Variants in TAF1B observed in about 807,000 individuals in gnomAD.
The protein encoded by TAF1B is TATA-box binding protein associated factor, RNA polymerase I subunit B, also known as TATA box-binding protein-associated factor RNA polymerase I subunit B.
In TAF1B, 61 loss-of-function variants were observed where a neutral mutation model predicts 83.9. The ratio of observed to expected loss-of-function variants is 0.73; its 90% CI spans 0.59 to 0.90. TAF1B has a LOEUF of 0.90. TAF1B is among the 40% of genes least tolerant of loss of function. TAF1B has a pLI of 0.00. For synonymous variants in TAF1B, 221 were observed against 224.6 expected (o/e 0.98, Z 0.14); for missense variants, 625 against 677.0 (o/e 0.92, Z 0.85).
intron 14 of TAF1B, among the ~76,000 whole-genome samples, chr2:9,931,392 G>C (rs533820171): frequency 4.6e-5 from 7 of 152,238 alleles, no homozygotes; most frequent in African/African-American, 1.4e-4. Flanking sequence ...GCATTTGCTT[G>C]TCTGTAAAGG....
chr2:9,899,766 C>T (rs185611547), intron 8 of TAF1B, among the ~76,000 whole-genome samples: 1 of 152,278 alleles, frequency 6.6e-6, no homozygotes, highest in Admixed American at 6.5e-5. Flanking sequence ...TCTGATTTCT[C>T]ATGAATGCCA....
intron 8 of TAF1B, among the ~76,000 whole-genome samples, chr2:9,904,477 C>T (rs537305186): frequency 3.5e-4 from 53 of 152,268 alleles, no homozygotes; most frequent in African/African-American, 1.1e-3. Context: ...TGTATATAGA[C>T]GACAATTTCT....
At chr2:9,915,472 T>A (rs1558265523) in intron 12 of TAF1B, among the ~76,000 whole-genome samples, 1 of 152,166 alleles carries the variant, frequency 6.6e-6, no homozygotes, top group Non-Finnish European at 1.5e-5. Context: ...TTTTTTTAAA[T>A]GGGCAAAATA....
In TAF1B at chr2:9,919,589, C is replaced by T. The variant is rs368100136; in HGVS notation, c.1343-9C>T. The T allele has an allele frequency of 1.1e-5, 18 of 1,602,636 alleles. No homozygotes were observed. Among genetic ancestry groups the T allele is most frequent in the African/African-American group, 6.7e-5 (5 of 74,332 alleles). On this transcript the variant is annotated splice_polypyrimidine_tract_variant and intron_variant, in intron 13 of 14. Coordinates refer to ENST00000263663, the MANE Select transcript of TAF1B (RefSeq NM_005680.3). ...TGTTATTTTGTTTCCTTTTTTTCTC[C>T]GGTTCCAGAAATGGTGGTGAATCTA... is the stretch of plus-strand genomic sequence containing the variant.
chr2:9,886,379 G>A (rs1664674625), intron 8 of TAF1B, among the ~76,000 whole-genome samples: 1 of 152,218 alleles, frequency 6.6e-6, no homozygotes, highest in East Asian at 1.9e-4. Context: ...GTTCGAGGAA[G>A]TCCATGGATA....
chr2:9,931,363 G>A (rs887105983), intron 14 of TAF1B, among the ~76,000 whole-genome samples: 2 of 152,176 alleles, frequency 1.3e-5, no homozygotes, highest in Non-Finnish European at 2.9e-5. Flanking sequence ...GGCAGGCCTG[G>A]TGGTGACAGA....
In TAF1B at chr2:9,882,706, G is replaced by A. The variant is rs767221752; in HGVS notation, c.708G>A (p.Arg236=). The A allele has an allele frequency of 5.0e-6, 8 of 1,598,914 alleles. No individual in the cohort carries two copies. Among genetic ancestry groups the A allele is most frequent in the Non-Finnish European group, 6.8e-6 (8 of 1,173,212 alleles). Residue 236 remains arginine, a splice_region_variant and synonymous_variant, in exon 8 of 15, where the codon AGG becomes AGA. Transcript: ENST00000263663. ...AACCTTTTTCTTTTTAAAAATACAG[G>A]TTTGTTGAAGAGGACCATATTCCTT... ...REAITLSDLL[R]FVEEDHIPYI...
chr2:9,911,601 G>A (rs1472420682), intron 11 of TAF1B, 44 bp downstream of exon 11: 3 of 1,362,926 alleles, frequency 2.2e-6, no homozygotes, highest in African/African-American at 1.5e-5. Flanking sequence ...GGTTATAGAT[G>A]ATAGATTAAA....
At chr2:9,867,835 A>T (rs753540723) in intron 5 of TAF1B, among the ~76,000 whole-genome samples, 4 of 152,204 alleles carry the variant, frequency 2.6e-5, no homozygotes, top group Non-Finnish European at 5.9e-5. Flanking sequence ...AGATGGCATG[A>T]TGAGTAAGTA....
intron 14 of TAF1B, among the ~76,000 whole-genome samples, chr2:9,928,886 C>T: frequency 6.6e-6 from 1 of 152,186 alleles, no homozygotes; most frequent in Non-Finnish European, 1.5e-5. Flanking sequence ...GCCAGAACTT[C>T]CAACACTATG....
chr2:9,860,373 A>G (rs1295105967), intron 5 of TAF1B, among the ~76,000 whole-genome samples: 1 of 152,236 alleles, frequency 6.6e-6, no homozygotes, highest in Non-Finnish European at 1.5e-5. Context: ...TGTTTGTAAC[A>G]TACGCCATTA....
chr2:9,889,880 T>A (rs1366367878), intron 8 of TAF1B, among the ~76,000 whole-genome samples: 5 of 152,228 alleles, frequency 3.3e-5, no homozygotes, highest in African/African-American at 9.6e-5. Context: ...CTCTGCACTT[T>A]GGCTGTTTGC....
At chr2:9,898,283 G>A (rs1665077966) in intron 8 of TAF1B, among the ~76,000 whole-genome samples, 1 of 152,092 alleles carries the variant, frequency 6.6e-6, no homozygotes. Context: ...AGTATAGTGT[G>A]GGCTCTAAGA....
Position 9,933,950 on chromosome 2 carries a change from A to G in TAF1B, c.1733A>G (p.Lys578Arg). Residue 578 changes from lysine (K) to arginine (R), a missense_variant, in exon 15 of 15, where the codon AAG (lysine) becomes AGG (arginine). Coordinates refer to ENST00000263663, the MANE Select transcript of TAF1B (RefSeq NM_005680.3). ...GAGAAAAAATACAGTGTAAAAAGAA[A>G]GAAATCAAGATCCAAGAAAGTGAGA... Reference protein sequence around the residue: ...LFEKKYSVKRKKSRSKKVRRH With the variant: ...LFEKKYSVKRRKSRSKKVRRH 6.2e-7 allele frequency: 1 copy of G among 1,608,694 alleles called. No individual in the cohort carries two copies. Among genetic ancestry groups the G allele is most frequent in the Non-Finnish European group, 8.5e-7 (1 of 1,178,370 alleles).
chr2:9,894,790 TCTG>T (rs2125163398), intron 8 of TAF1B, among the ~76,000 whole-genome samples: 1 of 152,294 alleles, frequency 6.6e-6, no homozygotes, highest in East Asian at 1.9e-4. Context: ...CAGAGGTAAA[TCTG>T]CTGCAAGAGT....
In TAF1B at chr2:9,882,687, T is replaced by C. The variant is rs1462189306; in HGVS notation, c.708-19T>C. On this transcript the variant is annotated intron_variant, in intron 7 of 14. Coordinates refer to ENST00000263663, the MANE Select transcript of TAF1B (RefSeq NM_005680.3). ...CAGTATATAACTCTCATTAAACCTT[T>C]TTCTTTTTAAAAATACAGGTTTGTT... is the stretch of plus-strand genomic sequence containing the variant. The C allele has an allele frequency of 6.3e-7, 1 of 1,576,740 alleles. No individual in the cohort carries two copies. Among genetic ancestry groups the C allele is most frequent in the Non-Finnish European group, 8.6e-7 (1 of 1,158,722 alleles).
chr2:9,916,833 T>C (rs550204746), intron 12 of TAF1B, among the ~76,000 whole-genome samples: 1 of 103,752 alleles, frequency 9.6e-6, no homozygotes, highest in Non-Finnish European at 1.9e-5. Flanking sequence ...ATTTCCTTTC[T>C]GTTCTTTTTT....
intron 7 of TAF1B, among the ~76,000 whole-genome samples, chr2:9,879,388 G>A (rs1195191235): frequency 6.6e-6 from 1 of 152,174 alleles, no homozygotes; most frequent in Non-Finnish European, 1.5e-5. Context: ...GGCTGTGCTG[G>A]ACAAAGAGAG....
Position 9,871,228 on chromosome 2 carries a change from C to T in TAF1B, c.553+2799C>T, listed in dbSNP as rs977968490. Among the ~76,000 whole-genome samples, 10 of 152,110 alleles carry T rather than the reference C, an allele frequency of 6.6e-5. No homozygotes were observed. In the East Asian group the frequency reaches 1.2e-3, roughly 18 times the overall value. ...CCGAGTAGCTGGGACTACAGGCGCC[C>T]GCCACCATGCCCAGCTAATTTTTTT... is the stretch of plus-strand genomic sequence containing the variant. On this transcript the variant is annotated intron_variant, in intron 6 of 14. Transcript: ENST00000263663.
Sources: gnomAD v4.1 joint callset for allele counts (sites outside exome capture counted in the v4.1 genomes callset) on GRCh38, gnomAD v4.1.1 for gene constraint, MANE v1.5 for transcripts, NCBI Gene and HGNC (gene_info 2026-07-23, HGNC 2026-07-21) for gene names.